Variants in COL26A1 observed in about 807,000 individuals in gnomAD.
The protein encoded by COL26A1 is collagen type XXVI alpha 1 chain.
COL26A1 carries 41 observed loss-of-function variants against 59.3 expected under a neutral mutation model. The observed-to-expected ratio is 0.69, with a 90% CI of 0.54 to 0.90. The LOEUF is 0.90. Ranked by LOEUF, COL26A1 falls within the 40% of genes least tolerant of loss-of-function variation. The pLI is 0.00. For missense variants in COL26A1, 612 were observed against 602.3 expected, an observed-to-expected ratio of 1.02 and a Z score of -0.17; for synonymous variants, 266 against 256.0, an observed-to-expected ratio of 1.04 and a Z score of -0.37.
chr7:101,470,075 GGTC>G (rs1793858178), intron 3 of COL26A1, among the ~76,000 whole-genome samples: 1 of 151,834 alleles, frequency 6.6e-6, no homozygotes, highest in Non-Finnish European at 1.5e-5. Context: ...CAGAGAGAGG[GGTC>G]CCGGAGAAAT....
intron 2 of COL26A1, among the ~76,000 whole-genome samples, chr7:101,426,987 A>T (rs1273797337): frequency 6.6e-6 from 1 of 152,046 alleles, no homozygotes; most frequent in African/African-American, 2.4e-5. Context: ...GTCTTGCTAC[A>T]TTTCACCCCC....
intron 3 of COL26A1, among the ~76,000 whole-genome samples, chr7:101,505,575 G>A (rs956115922): frequency 8.5e-5 from 13 of 152,198 alleles, no homozygotes; most frequent in African/African-American, 2.9e-4. Context: ...CTGAAGAACT[G>A]GTAGTCCGAT....
At chr7:101,434,017 C>A in intron 2 of COL26A1, among the ~76,000 whole-genome samples, 1 of 144,056 alleles carries the variant, frequency 6.9e-6, no homozygotes, top group African/African-American at 2.7e-5. Context: ...TGTGGATTTT[C>A]CCATCTGGTG....
chr7:101,556,493 G>A, intron 12 of COL26A1, among the ~76,000 whole-genome samples: 1 of 152,090 alleles, frequency 6.6e-6, no homozygotes, highest in Non-Finnish European at 1.5e-5. Flanking sequence ...ATAGATGAAT[G>A]AATGAATGAA....
At chr7:101,488,481 T>G (rs1206390670) in intron 3 of COL26A1, among the ~76,000 whole-genome samples, 1 of 149,132 alleles carries the variant, frequency 6.7e-6, no homozygotes, top group Admixed American at 6.7e-5. Context: ...GTTCAAGTGA[T>G]TCTCCTGCCT....
At chr7:101,463,183 C>T (rs560338800) in intron 3 of COL26A1, among the ~76,000 whole-genome samples, 1 of 152,308 alleles carries the variant, frequency 6.6e-6, no homozygotes, top group South Asian at 2.1e-4. Flanking sequence ...AAATTAATTG[C>T]ACACACATTG....
rs1012221575 is a variant in COL26A1, at chr7:101,386,334, A to G, written c.158+23144A>G. Among the ~76,000 whole-genome samples the G allele has an allele frequency of 3.3e-5, 5 of 149,388 alleles. No homozygotes were observed. The Admixed American group carries it at 3.4e-4, about 10-fold the overall frequency. ...TGCCCAGGCTAAGTGCAGTGGCACG[A>G]TCACGGCTCACTGCAGCCTCAACCT... On this transcript the variant is annotated intron_variant, in intron 1 of 12. Transcript: ENST00000313669.
At position 101,514,670 on chromosome 7, in the gene COL26A1, C is replaced by G. The variant is rs149911919; in HGVS notation, c.386-18412C>G. 9.9e-3 allele frequency among the ~76,000 whole-genome samples: 1,512 copies of G among 152,322 alleles called. 8 individuals carry two copies. The highest frequency in any genetic ancestry group is 0.014 in the Non-Finnish European group (972 of 68,030). ...ATGTCAGGACCCCCCTCCAAGACAG[C>G]TAGATGTGTCTTTGGCTGCAGCGCC... is the stretch of plus-strand genomic sequence containing the variant. On this transcript the variant is annotated intron_variant, in intron 3 of 12. Transcript: ENST00000313669.
At chr7:101,385,246 T>TACACAC (rs1165642375) in intron 1 of COL26A1, among the ~76,000 whole-genome samples, 220 of 145,212 alleles carry the variant, frequency 1.5e-3, no homozygotes, top group Non-Finnish European at 2.4e-3. Flanking sequence ...TATATATATA[T>TACACAC]ATATACACAC....
Position 101,461,321 on chromosome 7 carries a change from G to A in COL26A1, c.385+13534G>A, listed in dbSNP as rs192097481. Reference sequence around the variant, plus strand: ...CTCCTCCTCCTTCTTTTTTTTTGACGGAGTTTCGCTGTTGTTGTGCAGGCT... The same window carrying A: ...CTCCTCCTCCTTCTTTTTTTTTGACAGAGTTTCGCTGTTGTTGTGCAGGCT... On this transcript the variant is annotated intron_variant, in intron 3 of 12. Transcript: ENST00000313669. Among the ~76,000 whole-genome samples, 16 of 142,780 alleles carry A rather than the reference G, an allele frequency of 1.1e-4. No individual in the cohort carries two copies. The East Asian group carries it at 2.8e-3, about 25-fold the overall frequency. The allele number at this position is 142,780 out of a possible 152,430, so 93.7% of individuals were successfully genotyped here.
intron 1 of COL26A1, among the ~76,000 whole-genome samples, chr7:101,384,027 T>C (rs1052115733): frequency 1.3e-5 from 2 of 152,094 alleles, no homozygotes; most frequent in African/African-American, 4.8e-5. Context: ...TTTATTTATT[T>C]ATTTGAGACA....
At chr7:101,438,925 G>T (rs936369731) in intron 2 of COL26A1, among the ~76,000 whole-genome samples, 3 of 152,090 alleles carry the variant, frequency 2.0e-5, no homozygotes, top group African/African-American at 7.2e-5. Flanking sequence ...CGATCCACCC[G>T]TCTGGGCCTC....
chr7:101,381,284 A>T (rs1208850066), intron 1 of COL26A1, among the ~76,000 whole-genome samples: 2 of 151,826 alleles, frequency 1.3e-5, no homozygotes, highest in African/African-American at 2.4e-5. Context: ...AAAGGGCATT[A>T]CTCCAACCTT....
Position 101,545,380 on chromosome 7 carries a change from T to C in COL26A1, c.746T>C (p.Met249Thr). The change falls in exon 7 of 13, where the codon ATG becomes ACG. Residue 249 changes from methionine to threonine, a missense_variant. Transcript: ENST00000313669. ...GGGCCCCGTGGGCTTCCTGGAGAGA[T>C]GGGGCGCCCCGGCCCCCCAGGACCA... ...PPGPRGLPGE[M>T]GRPGPPGPPG... 6.3e-7 allele frequency: 1 copy of C among 1,588,006 alleles called. No individual in the cohort carries two copies. Among genetic ancestry groups the C allele is most frequent in the Non-Finnish European group, 8.5e-7 (1 of 1,171,066 alleles).
chr7:101,375,280 G>T (rs559462710), intron 1 of COL26A1, among the ~76,000 whole-genome samples: 2 of 152,044 alleles, frequency 1.3e-5, no homozygotes, highest in African/African-American at 4.8e-5. Flanking sequence ...TTAATCAAGC[G>T]CTTAGAACAA....
chr7:101,489,330 T>C (rs1794334635), intron 3 of COL26A1, among the ~76,000 whole-genome samples: 1 of 152,102 alleles, frequency 6.6e-6, no homozygotes, highest in Non-Finnish European at 1.5e-5. Flanking sequence ...GTGCCAGATA[T>C]ATTCCATCCT....
At chr7:101,424,889 C>T (rs1360183540) in intron 2 of COL26A1, among the ~76,000 whole-genome samples, 1 of 152,094 alleles carries the variant, frequency 6.6e-6, no homozygotes, top group African/African-American at 2.4e-5. Context: ...CTGCCCCGCT[C>T]TAGCTCCTTC....
intron 6 of COL26A1, among the ~76,000 whole-genome samples, chr7:101,544,618 C>T (rs866256798): frequency 1.3e-5 from 2 of 150,930 alleles, no homozygotes; most frequent in Non-Finnish European, 3.0e-5. Context: ...CTGACACCTC[C>T]ACCTCCCAGG....
At chr7:101,422,947 A>C (rs548470490) in intron 2 of COL26A1, among the ~76,000 whole-genome samples, 145 of 152,280 alleles carry the variant, frequency 9.5e-4, no homozygotes, top group Non-Finnish European at 1.9e-3. Flanking sequence ...GGTCTCAACA[A>C]GTTAAAGCTG....
Sources: allele counts gnomAD v4.1 joint callset (sites outside exome capture counted in the v4.1 genomes callset), GRCh38; gene constraint gnomAD v4.1.1; transcripts MANE v1.5; gene names NCBI Gene and HGNC (gene_info 2026-07-23, HGNC 2026-07-21).